RAD51B: variants seen among roughly 807,000 people sequenced by gnomAD.
RAD51B encodes the protein DNA repair protein RAD51 homolog 2.
In RAD51B, 38 loss-of-function variants were observed where a neutral mutation model predicts 42.2. That is an observed-to-expected ratio of 0.90 (90% CI 0.70 to 1.18). RAD51B has a LOEUF of 1.18. Ranked by LOEUF, RAD51B falls within the 50% of genes most tolerant of loss-of-function variation. The pLI is 0.00. For synonymous variants in RAD51B, 154 were observed against 145.2 expected (o/e 1.06, Z -0.43); for missense variants, 373 against 400.7 (o/e 0.93, Z 0.59).
chr14:68,135,418 C>G (rs1231744195), intron 7 of RAD51B, among the ~76,000 whole-genome samples: 1 of 152,150 alleles, frequency 6.6e-6, no homozygotes, highest in Non-Finnish European at 1.5e-5. Context: ...TTAGCTTTTC[C>G]TTTTGGCAGC....
chr14:68,266,067 C>T (rs1191701778), intron 7 of RAD51B, among the ~76,000 whole-genome samples: 1 of 152,172 alleles, frequency 6.6e-6, no homozygotes, highest in Non-Finnish European at 1.5e-5. Flanking sequence ...GCAGTCCTTG[C>T]CTGGCAAGTG....
intron 9 of RAD51B, among the ~76,000 whole-genome samples, chr14:68,424,184 A>G (rs1401979027): frequency 6.6e-6 from 1 of 152,218 alleles, no homozygotes; most frequent in Non-Finnish European, 1.5e-5. Flanking sequence ...AGAATGACAT[A>G]TAAATGATAT....
At chr14:68,095,447 A>G (rs1434585102) in intron 7 of RAD51B, among the ~76,000 whole-genome samples, 2 of 152,108 alleles carry the variant, frequency 1.3e-5, no homozygotes, top group Admixed American at 6.5e-5. Context: ...GTCTTCCTCC[A>G]TGGTATTTAT....
At chr14:68,632,894 G>A (rs1192609768) in intron 10 of RAD51B, among the ~76,000 whole-genome samples, 1 of 148,602 alleles carries the variant, frequency 6.7e-6, no homozygotes, top group African/African-American at 2.5e-5. Context: ...TCCCACCCCA[G>A]CCTCCTGAGT....
chr14:68,673,883 C>T (rs946454481), intron 11 of RAD51B, among the ~76,000 whole-genome samples: 28 of 150,340 alleles, frequency 1.9e-4, no homozygotes, highest in Non-Finnish European at 3.0e-4. Flanking sequence ...TGTGCACACA[C>T]ATGTATACAT....
intron 8 of RAD51B, among the ~76,000 whole-genome samples, chr14:68,348,131 G>A (rs1195102812): frequency 1.3e-5 from 2 of 152,180 alleles, no homozygotes; most frequent in African/African-American, 2.4e-5. Flanking sequence ...TTCCCTCAAA[G>A]AGTTTACCAG....
chr14:68,566,314 G>T (rs1168356818), intron 10 of RAD51B, among the ~76,000 whole-genome samples: 1 of 152,146 alleles, frequency 6.6e-6, no homozygotes, highest in African/African-American at 2.4e-5. Context: ...CACTCTGTGA[G>T]GAAACTCTGG....
At chr14:68,551,330 G>C (rs1201066397) in intron 10 of RAD51B, among the ~76,000 whole-genome samples, 1 of 152,166 alleles carries the variant, frequency 6.6e-6, no homozygotes, top group African/African-American at 2.4e-5. Flanking sequence ...GGCCCCTTCA[G>C]CCCCAAGTCG....
rs1400631422 is a variant in RAD51B, at chr14:68,543,364, A to G, written c.1037-51121A>G. 3.9e-5 allele frequency among the ~76,000 whole-genome samples: 6 copies of G among 152,234 alleles called. 1 individual carries two copies. Among genetic ancestry groups the G allele is most frequent in the Non-Finnish European group, 7.3e-5 (5 of 68,050 alleles). ...TTTGCCAAAATACTAAATTCTTTGA[A>G]GTCAACACTTTTATTCCTATTCCCT... On this transcript the variant is annotated intron_variant, in intron 10 of 10. Transcript: ENST00000487270.
intron 7 of RAD51B, among the ~76,000 whole-genome samples, chr14:68,083,778 T>G (rs895368665): frequency 1.3e-5 from 2 of 152,180 alleles, no homozygotes; most frequent in African/African-American, 4.8e-5. Flanking sequence ...GAGAGAAACA[T>G]GAAGAGTTCT....
chr14:68,120,566 C>T (rs2077631882), intron 7 of RAD51B, among the ~76,000 whole-genome samples: 1 of 152,128 alleles, frequency 6.6e-6, no homozygotes, highest in Admixed American at 6.6e-5. Flanking sequence ...AGACCCTTGT[C>T]CCCTGCCTTT....
At chr14:68,254,625 A>G (rs1848188181) in intron 7 of RAD51B, among the ~76,000 whole-genome samples, 1 of 152,262 alleles carries the variant, frequency 6.6e-6, no homozygotes, top group Non-Finnish European at 1.5e-5. Context: ...ATTAAGAAGC[A>G]CATTCATTAA....
intron 7 of RAD51B, among the ~76,000 whole-genome samples, chr14:68,102,115 C>A (rs1440026106): frequency 6.6e-6 from 1 of 152,204 alleles, no homozygotes; most frequent in East Asian, 1.9e-4. Context: ...GGACACAGGG[C>A]ACCATGTCCC....
chr14:68,018,298 G>A (rs1218570092), intron 7 of RAD51B, among the ~76,000 whole-genome samples: 2 of 152,090 alleles, frequency 1.3e-5, no homozygotes, highest in African/African-American at 4.8e-5. Flanking sequence ...AGACAATTTA[G>A]ACAAGCTAAG....
intron 7 of RAD51B, among the ~76,000 whole-genome samples, chr14:68,126,624 A>G (rs1310024101): frequency 2.0e-5 from 3 of 152,184 alleles, no homozygotes; most frequent in Non-Finnish European, 2.9e-5. Context: ...TTACTTCCTT[A>G]GTACTCAAAC....
chr14:68,607,437 C>T (rs971668411), intron 10 of RAD51B, among the ~76,000 whole-genome samples: 1 of 152,198 alleles, frequency 6.6e-6, no homozygotes, highest in African/African-American at 2.4e-5. Flanking sequence ...GACCCTCCCC[C>T]ACAGCCCATC....
At chr14:68,555,231 C>T (rs188777457) in intron 10 of RAD51B, among the ~76,000 whole-genome samples, 74 of 152,360 alleles carry the variant, frequency 4.9e-4, no homozygotes, top group Non-Finnish European at 1.6e-4. Flanking sequence ...TCTCTTACCC[C>T]TTGTTCTGTG....
chr14:68,658,219 G>A lies in RAD51B; in HGVS notation c.*11+7363G>A, dbSNP rs865804402. 6.6e-5 allele frequency among the ~76,000 whole-genome samples: 10 copies of A among 152,352 alleles called. No homozygotes were observed. The South Asian group carries it at 8.3e-4, about 13-fold the overall frequency. On this transcript the variant is annotated intron_variant, in intron 11 of 11. Transcript: ENST00000488612. ...GCTCTCTGAGGACAGCCACGTCCCT[G>A]GCCTTGCTCTGTGGGAGCCTCTGAG...
At chr14:67,829,292 G>T (rs2040946222) in intron 3 of RAD51B, among the ~76,000 whole-genome samples, 1 of 151,660 alleles carries the variant, frequency 6.6e-6, no homozygotes, top group African/African-American at 2.4e-5. Flanking sequence ...GCCGAGGCTG[G>T]AGTGCAGTGG....
Sources: gnomAD v4.1 joint callset for allele counts (sites outside exome capture counted in the v4.1 genomes callset) on GRCh38, gnomAD v4.1.1 for gene constraint, MANE v1.5 for transcripts, NCBI Gene and HGNC (gene_info 2026-07-23, HGNC 2026-07-21) for gene names.